The following DCC variants were observed in gnomAD, a reference collection of about 807,000 sequenced individuals.
The protein encoded by DCC is netrin receptor DCC.
In DCC, 58 loss-of-function variants were observed where a neutral mutation model predicts 172.5. The ratio of observed to expected loss-of-function variants is 0.34; its 90% CI spans 0.27 to 0.42. DCC has a LOEUF of 0.42. Among genes scored for constraint, DCC ranks in the 10% least tolerant of loss-of-function variants. The pLI, the probability that DCC is intolerant of heterozygous loss-of-function variation, is 1.00. For synonymous variants in DCC, 709 were observed against 644.5 expected, an observed-to-expected ratio of 1.10 and a Z score of -1.52; for missense variants, 1,740 against 1,791.0, an observed-to-expected ratio of 0.97 and a Z score of 0.51.
At chr18:52,520,753 T>C (rs1568210493) in intron 1 of DCC, among the ~76,000 whole-genome samples, 2 of 152,142 alleles carry the variant, frequency 1.3e-5, no homozygotes, top group Non-Finnish European at 2.9e-5. Flanking sequence ...TAGAATTTCC[T>C]AATAGTGTTA....
chr18:52,566,027 G>A (rs1144083), intron 1 of DCC, among the ~76,000 whole-genome samples: 145,484 of 152,234 alleles, frequency 0.96, 69,897 homozygotes, highest in Middle Eastern at 1. Context: ...AGGTATAAGG[G>A]AAGAGTCCAG....
intron 5 of DCC, among the ~76,000 whole-genome samples, chr18:53,035,932 T>A (rs2042086878): frequency 6.6e-6 from 1 of 152,080 alleles, no homozygotes; most frequent in Non-Finnish European, 1.5e-5. Context: ...CTATTACAAA[T>A]AATACTTCAG....
intron 1 of DCC, among the ~76,000 whole-genome samples, chr18:52,574,395 C>G (rs2033364917): frequency 6.6e-6 from 1 of 152,176 alleles, no homozygotes; most frequent in Admixed American, 6.5e-5. Flanking sequence ...TGTGAGAATT[C>G]TAAGTCACCA....
intron 10 of DCC, 96 bp downstream of exon 10, chr18:53,205,460 C>T: frequency 8.6e-7 from 1 of 1,168,254 alleles, no homozygotes; most frequent in Non-Finnish European, 1.3e-6. Flanking sequence ...GACTCGCAAA[C>T]TCTTGAAACA....
chr18:52,599,329 A>G lies in DCC; in HGVS notation c.92-152725A>G, dbSNP rs78040583. ...CGAAAAACCTTTTCTGTGCAGGGCC[A>G]TATAGTGTATATTTTGAGCTTTGAG... On this transcript the variant is annotated intron_variant, in intron 1 of 28. Coordinates refer to ENST00000442544, the MANE Select transcript of DCC (RefSeq NM_005215.4). Among the ~76,000 whole-genome samples, 936 of 152,252 alleles carry G rather than the reference A, an allele frequency of 6.1e-3. 7 individuals carry two copies. Among genetic ancestry groups the G allele is most frequent in the Non-Finnish European group, 8.9e-3 (604 of 68,014 alleles).
chr18:52,894,750 C>G (rs887720511), intron 2 of DCC, among the ~76,000 whole-genome samples: 1 of 152,032 alleles, frequency 6.6e-6, no homozygotes, highest in South Asian at 2.1e-4. Flanking sequence ...AATGTCCCAG[C>G]TCAAGCAGTC....
intron 12 of DCC, among the ~76,000 whole-genome samples, chr18:53,283,029 A>T (rs754913810): frequency 6.6e-6 from 1 of 152,222 alleles, no homozygotes; most frequent in Non-Finnish European, 1.5e-5. Flanking sequence ...AAAAGGAGAC[A>T]TAAAAGAAGG....
At chr18:53,528,238 A>T (rs577690826) in intron 28 of DCC, among the ~76,000 whole-genome samples, 5 of 152,162 alleles carry the variant, frequency 3.3e-5, no homozygotes, top group Non-Finnish European at 7.4e-5. Context: ...ACTACAAACA[A>T]TAAAATATTT....
chr18:53,483,752 A>G (rs549896445), intron 25 of DCC, among the ~76,000 whole-genome samples: 1 of 151,848 alleles, frequency 6.6e-6, no homozygotes, highest in South Asian at 2.1e-4. Context: ...TTTCTTTCCT[A>G]TGGATCTTGT....
intron 12 of DCC, among the ~76,000 whole-genome samples, chr18:53,274,781 T>C (rs1289512242): frequency 6.6e-6 from 1 of 152,142 alleles, no homozygotes; most frequent in Admixed American, 6.6e-5. Context: ...TTGATCGAAG[T>C]GTGGTCTCTT....
intron 1 of DCC, among the ~76,000 whole-genome samples, chr18:52,358,251 C>T (rs1299253800): frequency 1.3e-5 from 2 of 152,164 alleles, no homozygotes; most frequent in Non-Finnish European, 2.9e-5. Context: ...ATACACACTT[C>T]ACTTGAAAAC....
At chr18:52,456,385 T>C (rs1988457780) in intron 1 of DCC, among the ~76,000 whole-genome samples, 1 of 152,132 alleles carries the variant, frequency 6.6e-6, no homozygotes, top group African/African-American at 2.4e-5. Context: ...CTTTCCTGAG[T>C]GCCTTGTTCT....
intron 13 of DCC, among the ~76,000 whole-genome samples, chr18:53,312,637 G>A (rs2057288422): frequency 6.7e-6 from 1 of 150,236 alleles, no homozygotes. Flanking sequence ...GAGAAACCCC[G>A]TCTTTACTAA....
At chr18:52,987,164 G>T (rs936965745) in intron 5 of DCC, among the ~76,000 whole-genome samples, 1 of 151,998 alleles carries the variant, frequency 6.6e-6, no homozygotes, top group Non-Finnish European at 1.5e-5. Context: ...CCCAAATATG[G>T]TTTCCTCCCC....
chr18:52,743,800 A>T (rs903083532), intron 1 of DCC, among the ~76,000 whole-genome samples: 2 of 152,178 alleles, frequency 1.3e-5, no homozygotes, highest in Non-Finnish European at 2.9e-5. Flanking sequence ...TCTTACCTTT[A>T]TATTTCCAAA....
At chr18:52,713,867 T>G (rs1464566879) in intron 1 of DCC, among the ~76,000 whole-genome samples, 3 of 152,168 alleles carry the variant, frequency 2.0e-5, no homozygotes, top group African/African-American at 7.2e-5. Context: ...AAACACACTC[T>G]GTGTCAGGGC....
At chr18:53,529,357 C>G (rs938389140) in intron 28 of DCC, among the ~76,000 whole-genome samples, 1 of 152,200 alleles carries the variant, frequency 6.6e-6, no homozygotes, top group Non-Finnish European at 1.5e-5. Flanking sequence ...GATCATAGTG[C>G]TAAGGAATGT....
At chr18:52,555,505 A>G (rs1000950628) in intron 1 of DCC, among the ~76,000 whole-genome samples, 10 of 152,132 alleles carry the variant, frequency 6.6e-5, no homozygotes, top group Admixed American at 5.2e-4. Context: ...GTAGAGCCCT[A>G]TAAGCTGAAA....
In DCC at chr18:52,396,706, C is replaced by T. The variant is rs140431356; in HGVS notation, c.91+55828C>T. 1.8e-3 allele frequency among the ~76,000 whole-genome samples: 277 copies of T among 152,152 alleles called. 1 individual carries two copies. The highest frequency in any genetic ancestry group is 6.4e-3 in the African/African-American group (267 of 41,538). On this transcript the variant is annotated intron_variant, in intron 1 of 28. Coordinates refer to ENST00000442544, the MANE Select transcript of DCC (RefSeq NM_005215.4). ...CAATAAAATAGAATGGTGCATTATA[C>T]TGTAATGAATGACAAACACTGGTAA... is the stretch of plus-strand genomic sequence containing the variant.
Sources: gnomAD v4.1 joint callset for allele counts (sites outside exome capture counted in the v4.1 genomes callset) on GRCh38, gnomAD v4.1.1 for gene constraint, MANE v1.5 for transcripts, NCBI Gene and HGNC (gene_info 2026-07-23, HGNC 2026-07-21) for gene names.